ZZEF1: variants seen among roughly 807,000 people sequenced by gnomAD.
ZZEF1 encodes zinc finger ZZ-type and EF-hand domain-containing protein 1.
ZZEF1 carries 157 observed loss-of-function variants against 342.8 expected under a neutral mutation model. The observed-to-expected ratio is 0.46, with a 90% CI of 0.40 to 0.52. The LOEUF (loss-of-function observed/expected upper bound fraction) is 0.52. ZZEF1 is among the 20% of genes least tolerant of loss of function. The pLI is 0.00. For missense variants in ZZEF1, 3,480 were observed against 3,725.6 expected, an observed-to-expected ratio of 0.93 and a Z score of 1.72; for synonymous variants, 1,505 against 1,429.1, an observed-to-expected ratio of 1.05 and a Z score of -1.20.
At chr17:4,036,999 G>A (rs905875236) in intron 39 of ZZEF1, among the ~76,000 whole-genome samples, 3 of 152,066 alleles carry the variant, frequency 2.0e-5, no homozygotes, top group African/African-American at 7.2e-5. Flanking sequence ...GGCTAGGGGA[G>A]GGAGAATTTA....
chr17:4,058,188 C>T (rs2057208138), intron 31 of ZZEF1, 33 bp from the exon 32 acceptor site: 1 of 1,583,288 alleles, frequency 6.3e-7, no homozygotes, highest in African/African-American at 1.4e-5. Context: ...ATTAGCAGAG[C>T]TGCTTACTCC....
chr17:4,052,184 G>A, intron 34 of ZZEF1, 48 bp from the exon 35 acceptor site: 1 of 1,530,276 alleles, frequency 6.5e-7, no homozygotes, highest in Non-Finnish European at 8.8e-7. Context: ...AGGGCTCCTA[G>A]ATGGGCTAGT....
chr17:4,068,897 T>C (rs1395406898), intron 26 of ZZEF1, among the ~76,000 whole-genome samples: 2 of 152,176 alleles, frequency 1.3e-5, no homozygotes, highest in Non-Finnish European at 2.9e-5. Flanking sequence ...ACAAAGACCA[T>C]TCTCAAAGTA....
Position 4,090,960 on chromosome 17 carries a change from T to C in ZZEF1, c.1914-130A>G, listed in dbSNP as rs184802540. The C allele has an allele frequency of 1.6e-5, 11 of 675,352 alleles. No homozygotes were observed. The East Asian group carries it at 2.5e-4, about 15-fold the overall frequency. 41.8% of individuals were successfully genotyped at this position (675,352 alleles called of 1,614,324 possible). A position where few individuals can be genotyped will look rare whatever the true frequency, so the allele number is the denominator to read the frequency against. Reference sequence around the variant, plus strand: ...TCAGTGAACAATCGAGAGCTGACTATGGTACATGGTACCCTGTGAGCACAT... The same window carrying C: ...TCAGTGAACAATCGAGAGCTGACTACGGTACATGGTACCCTGTGAGCACAT... On this transcript the variant is annotated intron_variant, in intron 11 of 54. Transcript: ENST00000381638.
intron 43 of ZZEF1, 45 bp from the exon 44 acceptor site, chr17:4,022,873 G>A: frequency 1.2e-6 from 2 of 1,607,068 alleles, no homozygotes; most frequent in South Asian, 1.1e-5. Context: ...TTGGAGTGAA[G>A]AAGGTACAAC....
chr17:4,067,922 T>TA (rs980390909), intron 26 of ZZEF1, among the ~76,000 whole-genome samples: 3 of 151,734 alleles, frequency 2.0e-5, no homozygotes, highest in Non-Finnish European at 4.4e-5. Context: ...CTACAAAAAA[T>TA]AAAAAATTGT....
chr17:4,056,437 T>C (rs2271717), intron 32 of ZZEF1, 92 bp from the exon 33 acceptor site: 57,110 of 1,299,696 alleles, frequency 0.044, 1,407 homozygotes, highest in East Asian at 0.099. Flanking sequence ...AGGTCTATTA[T>C]ATTGGGCATT....
chr17:4,100,677 T>C (rs981600171), intron 9 of ZZEF1, among the ~76,000 whole-genome samples: 2 of 151,874 alleles, frequency 1.3e-5, no homozygotes, highest in African/African-American at 4.8e-5. Context: ...CTACTAAAAA[T>C]ACAAGAAATT....
intron 52 of ZZEF1, 68 bp from the exon 53 acceptor site, chr17:4,009,825 G>A (rs2055900088): frequency 1.3e-6 from 2 of 1,556,998 alleles, no homozygotes; most frequent in Admixed American, 1.9e-5. Context: ...GCTTACAGCT[G>A]GCAGGAACCA....
intron 3 of ZZEF1, among the ~76,000 whole-genome samples, chr17:4,116,746 G>A (rs1268619971): frequency 3.3e-5 from 5 of 152,152 alleles, no homozygotes; most frequent in South Asian, 2.1e-4. Context: ...TAGATAAAGC[G>A]GAAAGGCATC....
intron 46 of ZZEF1, among the ~76,000 whole-genome samples, chr17:4,019,148 A>G (rs1006814492): frequency 1.3e-5 from 2 of 152,140 alleles, no homozygotes; most frequent in Non-Finnish European, 2.9e-5. Flanking sequence ...AACACGAAAC[A>G]CAAAATAAAA....
Position 4,014,124 on chromosome 17 carries a change from G to A in ZZEF1, c.8379C>T (p.Thr2793=), listed in dbSNP as rs751727799. The A allele has an allele frequency of 8.7e-6, 14 of 1,614,064 alleles. No homozygotes were observed. Among genetic ancestry groups the A allele is most frequent in the East Asian group, 2.2e-5 (1 of 44,902 alleles). ...ACCGCCCCAGGTGTCCGGCCGTCAC[G>A]GTGAATCTGTAGCCCCACTCGGTGT... is the stretch of plus-strand genomic sequence containing the variant. ...MSNTEWGYRF[T]VTAGHLGRFQ... The change falls in exon 51 of 55, where the codon ACC becomes ACT. Residue 2793 remains threonine (T), a synonymous_variant. Coordinates refer to ENST00000381638, the MANE Select transcript of ZZEF1 (RefSeq NM_015113.4). This position sits in a 1 kb window ranked among gnomAD's most constrained non-coding sequence, Gnocchi z 4.4.
At chr17:4,039,070 C>T (rs1182950574) in intron 39 of ZZEF1, among the ~76,000 whole-genome samples, 1 of 151,874 alleles carries the variant, frequency 6.6e-6, no homozygotes, top group Non-Finnish European at 1.5e-5. Context: ...GGGAAAATAA[C>T]CTCAGTGGTG....
intron 35 of ZZEF1, among the ~76,000 whole-genome samples, chr17:4,051,660 T>A (rs1044668433): frequency 2.0e-5 from 3 of 150,938 alleles, no homozygotes; most frequent in Non-Finnish European, 4.4e-5. Context: ...ACCACAGGAG[T>A]TCGCCTCGGC....
Position 4,016,145 on chromosome 17 carries a change from C to T in ZZEF1, c.8145+178G>A, listed in dbSNP as rs1384942382. Among the ~76,000 whole-genome samples, 2 of 152,146 alleles carry T rather than the reference C, an allele frequency of 1.3e-5. No homozygotes were observed. The highest frequency in any genetic ancestry group is 4.8e-5 in the African/African-American group (2 of 41,418). On this transcript the variant is annotated intron_variant, in intron 49 of 54. Coordinates refer to ENST00000381638, the MANE Select transcript of ZZEF1 (RefSeq NM_015113.4). This position sits in a 1 kb window ranked among gnomAD's most constrained non-coding sequence, Gnocchi z 4.4. ...AGAGAAGACTTGCTTGTACAGAATC[C>T]CTGGCCTCAGGGAGGCAGACTGCAG... is the stretch of plus-strand genomic sequence containing the variant.
intron 1 of ZZEF1, among the ~76,000 whole-genome samples, chr17:4,132,565 G>GCT (rs1317074445): frequency 7.2e-5 from 11 of 152,060 alleles, no homozygotes; most frequent in African/African-American, 1.4e-4. Context: ...GGGCTTGGTG[G>GCT]CAGGCGCCTG....
intron 6 of ZZEF1, among the ~76,000 whole-genome samples, chr17:4,107,209 G>T (rs2058226530): frequency 6.6e-6 from 1 of 152,020 alleles, no homozygotes. Flanking sequence ...TCTTAAAAAG[G>T]CAGGAGTGCA....
intron 32 of ZZEF1, 95 bp from the exon 33 acceptor site, chr17:4,056,440 T>C (rs2145191028): frequency 7.8e-7 from 1 of 1,284,772 alleles, no homozygotes; most frequent in Non-Finnish European, 1.0e-6. Context: ...TCTATTATAT[T>C]GGGCATTTTT....
chr17:4,086,297 CTGGGGGAT>C (rs2057819469), intron 15 of ZZEF1, among the ~76,000 whole-genome samples, 181 bp downstream of exon 15: 2 of 16,290 alleles, frequency 1.2e-4, no homozygotes, highest in Non-Finnish European at 1.7e-4. Context: ...CAATCCCTTT[CTGGGGGAT>C]TCCCACAGCG....
Sources: gnomAD v4.1 joint callset for allele counts (sites outside exome capture counted in the v4.1 genomes callset) on GRCh38, gnomAD v4.1.1 for gene constraint, Gnocchi (gnomAD v3.1) non-coding constraint, MANE v1.5 for transcripts, NCBI Gene and HGNC (gene_info 2026-07-23, HGNC 2026-07-21) for gene names.